The following MACROD2 variants were observed in gnomAD, a reference collection of about 807,000 sequenced individuals.
MACROD2 encodes the protein ADP-ribose glycohydrolase MACROD2.
MACROD2 carries 36 observed loss-of-function variants against 70.4 expected under a neutral mutation model. The observed-to-expected ratio is 0.51, with a 90% CI of 0.39 to 0.68. MACROD2 has a LOEUF of 0.68. MACROD2 is among the 30% of genes least tolerant of loss of function. The probability of loss-of-function intolerance (pLI) is 0.00; values close to 1 mark genes in which losing one functional copy is unlikely to be tolerated. For synonymous variants in MACROD2, 172 were observed against 178.8 expected (o/e 0.96, Z 0.30); for missense variants, 496 against 538.4 (o/e 0.92, Z 0.78).
intron 3 of MACROD2, among the ~76,000 whole-genome samples, chr20:14,473,663 C>T (rs905229138): frequency 6.6e-6 from 1 of 152,100 alleles, no homozygotes; most frequent in African/African-American, 2.4e-5. Flanking sequence ...GGATAGATAC[C>T]TAGAAGTAGG....
At chr20:15,609,596 A>G (rs34414848) in intron 8 of MACROD2, among the ~76,000 whole-genome samples, 6,678 of 152,260 alleles carry the variant, frequency 0.044, 280 homozygotes, top group African/African-American at 0.11. Flanking sequence ...TGTGAGTGGA[A>G]GGTGATCTGT....
intron 3 of MACROD2, among the ~76,000 whole-genome samples, chr20:14,270,572 A>G (rs907856141): frequency 7.1e-6 from 1 of 141,650 alleles, no homozygotes; most frequent in Non-Finnish European, 1.5e-5. Context: ...CTGGCAACAG[A>G]GTGAGACTCC....
intron 10 of MACROD2, among the ~76,000 whole-genome samples, chr20:15,931,855 G>A (rs574989871): frequency 6.6e-6 from 1 of 152,080 alleles, no homozygotes; most frequent in South Asian, 2.1e-4. Context: ...ACTTTCTTCA[G>A]TAGGTCGTTT....
At chr20:14,166,633 A>G (rs1349960230) in intron 3 of MACROD2, among the ~76,000 whole-genome samples, 1 of 151,876 alleles carries the variant, frequency 6.6e-6, no homozygotes, top group African/African-American at 2.4e-5. Context: ...TCTGAAATCA[A>G]TTTTTTTCAC....
chr20:15,237,671 G>T (rs1387521333), intron 6 of MACROD2, among the ~76,000 whole-genome samples: 3 of 152,202 alleles, frequency 2.0e-5, no homozygotes, highest in African/African-American at 7.2e-5. Context: ...GCCAGGAGGA[G>T]TGGGAGTGTT....
intron 6 of MACROD2, among the ~76,000 whole-genome samples, chr20:15,384,348 C>T (rs902441296): frequency 6.6e-6 from 1 of 152,178 alleles, no homozygotes; most frequent in Non-Finnish European, 1.5e-5. Context: ...ACCTCCCCCA[C>T]TCCCCAGGTT....
intron 6 of MACROD2, among the ~76,000 whole-genome samples, chr20:15,415,996 G>A (rs1226760753): frequency 6.6e-6 from 1 of 152,192 alleles, no homozygotes; most frequent in Non-Finnish European, 1.5e-5. Context: ...CATTTATTTA[G>A]TGAATGGCCA....
chr20:15,321,756 T>A (rs2077875697), intron 6 of MACROD2, among the ~76,000 whole-genome samples: 1 of 144,288 alleles, frequency 6.9e-6, no homozygotes, highest in Non-Finnish European at 1.6e-5. Context: ...GCATGTATAA[T>A]GTATGTGTGT....
Position 15,120,311 on chromosome 20 carries a change from T to C in MACROD2, c.419-109629T>C, listed in dbSNP as rs529644262. ...ATGCATGTGTGCATGTCTGTGCATA[T>C]GCGCACACATTTTCTTTCATGGGAG... On this transcript the variant is annotated intron_variant, in intron 5 of 17. Transcript: ENST00000684519. Among the ~76,000 whole-genome samples, 18 of 152,300 alleles carry C rather than the reference T, an allele frequency of 1.2e-4. No homozygotes were observed. The South Asian group carries it at 3.7e-3, about 32-fold the overall frequency.
chr20:15,919,878 AT>A (rs1478741708), intron 10 of MACROD2, among the ~76,000 whole-genome samples: 1 of 152,214 alleles, frequency 6.6e-6, no homozygotes, highest in Non-Finnish European at 1.5e-5. Context: ...TATTTTATTT[AT>A]TCAAAGTGGA....
chr20:14,955,261 A>AAT (rs1555855652), intron 5 of MACROD2, among the ~76,000 whole-genome samples: 2 of 137,322 alleles, frequency 1.5e-5, no homozygotes, highest in African/African-American at 5.4e-5. Context: ...TATATAATAT[A>AAT]ATATAATTTT....
chr20:15,968,797 GTATATATATATATATATATA>G (rs35259261), intron 13 of MACROD2, among the ~76,000 whole-genome samples: 3,677 of 106,814 alleles, frequency 0.034, 216 homozygotes, highest in African/African-American at 0.12. Context: ...TATATTATGC[GTATATATATATATATATATA>G]TATATATATA....
At chr20:15,994,402 TA>T (rs965770038) in intron 15 of MACROD2, among the ~76,000 whole-genome samples, 2 of 152,192 alleles carry the variant, frequency 1.3e-5, no homozygotes, top group Non-Finnish European at 2.9e-5. Context: ...TTTATGTGTT[TA>T]AAAAAACTCT....
intron 7 of MACROD2, among the ~76,000 whole-genome samples, chr20:15,483,695 C>T (rs1315644309): frequency 6.6e-6 from 1 of 152,116 alleles, no homozygotes; most frequent in Non-Finnish European, 1.5e-5. Flanking sequence ...TATCCATGCA[C>T]ATAGACTATC....
chr20:15,951,702 C>A (rs145218781), intron 12 of MACROD2, among the ~76,000 whole-genome samples: 1 of 152,058 alleles, frequency 6.6e-6, no homozygotes, highest in Non-Finnish European at 1.5e-5. Context: ...AGAACAAACA[C>A]AAATATGTGC....
At chr20:14,304,259 C>G (rs947999600) in intron 3 of MACROD2, among the ~76,000 whole-genome samples, 1 of 152,090 alleles carries the variant, frequency 6.6e-6, no homozygotes, top group African/African-American at 2.4e-5. Context: ...TCATCTGAAC[C>G]GAACATAATA....
chr20:14,689,529 T>A (rs2071039006), intron 5 of MACROD2, among the ~76,000 whole-genome samples: 1 of 152,220 alleles, frequency 6.6e-6, no homozygotes, highest in Non-Finnish European at 1.5e-5. Context: ...ATTAGCCTGA[T>A]TACCTTTGGC....
intron 5 of MACROD2, among the ~76,000 whole-genome samples, chr20:14,898,184 G>A (rs1488790883): frequency 6.6e-6 from 1 of 152,010 alleles, no homozygotes. Context: ...ATTAAATGTG[G>A]GTAGTGATTA....
At chr20:14,200,236 A>G (rs1366810047) in intron 3 of MACROD2, among the ~76,000 whole-genome samples, 3 of 152,284 alleles carry the variant, frequency 2.0e-5, no homozygotes, top group African/African-American at 2.4e-5. Context: ...AGGGACATTG[A>G]TGGAGCTGGA....
Sources: allele counts gnomAD v4.1 joint callset (sites outside exome capture counted in the v4.1 genomes callset), GRCh38; gene constraint gnomAD v4.1.1; transcripts MANE v1.5; gene names NCBI Gene and HGNC (gene_info 2026-07-23, HGNC 2026-07-21).